Variants in ENPP1 observed in about 807,000 individuals in gnomAD.
ENPP1 encodes ectonucleotide pyrophosphatase/phosphodiesterase 1.
In ENPP1, 73 loss-of-function variants were observed where a neutral mutation model predicts 122.8. The observed-to-expected ratio is 0.59, with a 90% confidence interval of 0.49 to 0.72. The LOEUF is 0.72. ENPP1 is among the 30% of genes least tolerant of loss of function. ENPP1 has a pLI of 0.00. For missense variants in ENPP1, 978 were observed against 1,128.1 expected, an observed-to-expected ratio of 0.87 and a Z score of 1.91; for synonymous variants, 367 against 391.6, an observed-to-expected ratio of 0.94 and a Z score of 0.74.
chr6:131,843,921 A>G (rs1219071954), intron 1 of ENPP1, among the ~76,000 whole-genome samples: 1 of 151,800 alleles, frequency 6.6e-6, no homozygotes, highest in Non-Finnish European at 1.5e-5. Context: ...GTTCCTCATC[A>G]GCTGTTTCTA....
At chr6:131,883,426 G>A (rs373309781) in intron 21 of ENPP1, among the ~76,000 whole-genome samples, 14 of 152,292 alleles carry the variant, frequency 9.2e-5, no homozygotes, top group Admixed American at 3.9e-4. Flanking sequence ...GGGCAATAAC[G>A]TTTGAATATG....
chr6:131,883,293 TC>T (rs1174674929), intron 21 of ENPP1, among the ~76,000 whole-genome samples: 1 of 152,174 alleles, frequency 6.6e-6, no homozygotes, highest in African/African-American at 2.4e-5. Context: ...GAGACAGACA[TC>T]CTGTGATGTT....
intron 1 of ENPP1, 23 bp from the exon 2 acceptor site, chr6:131,847,753 A>T (rs762320001): frequency 2.0e-6 from 3 of 1,507,862 alleles, no homozygotes; most frequent in Admixed American, 1.7e-5. Context: ...GAAACCATGT[A>T]ATTTTCTCTT....
In ENPP1 at chr6:131,810,717, A is replaced by G. The variant is rs186961220; in HGVS notation, c.240+2442A>G. 2.3e-3 allele frequency among the ~76,000 whole-genome samples: 347 copies of G among 152,184 alleles called. 1 individual carries two copies. Among genetic ancestry groups the G allele is most frequent in the Middle Eastern group, 0.01 (3 of 294 alleles). On this transcript the variant is annotated intron_variant, in intron 1 of 24. Coordinates refer to ENST00000647893, the MANE Select transcript of ENPP1 (RefSeq NM_006208.3). Reference sequence around the variant, plus strand: ...ACTGTTTTAATTTAGCAGGATAAATAGAAGAGTTGCGTTGCCTTGCCTTTC... The same window carrying G: ...ACTGTTTTAATTTAGCAGGATAAATGGAAGAGTTGCGTTGCCTTGCCTTTC...
At chr6:131,833,777 A>G (rs1781640930) in intron 1 of ENPP1, among the ~76,000 whole-genome samples, 1 of 152,244 alleles carries the variant, frequency 6.6e-6, no homozygotes, top group African/African-American at 2.4e-5. Flanking sequence ...AAGACCACAA[A>G]AACAGCATTT....
Position 131,875,859 on chromosome 6 carries a change from G to C in ENPP1, c.1719G>C (p.Met573Ile), listed in dbSNP as rs1175493211. 6.2e-7 allele frequency: 1 copy of C among 1,610,220 alleles called. No homozygotes were observed. The highest frequency in any genetic ancestry group is 8.5e-7 in the Non-Finnish European group (1 of 1,176,532). ...TFENIEVYNL[M>I]CDLLNLTPAP... ...AAAACATTGAAGTCTATAACTTAAT[G>C]TGTGGTAAGTGTGAACAGGTGCCTT... The change falls in exon 17 of 25, where the codon ATG (methionine) becomes ATC (isoleucine). Residue 573 changes from methionine to isoleucine, a missense_variant. This residue lies in a region of ENPP1 where 644 missense variants were observed against 781.5 expected (regional missense o/e 0.82). Coordinates refer to ENST00000647893, the MANE Select transcript of ENPP1 (RefSeq NM_006208.3).
chr6:131,817,603 G>A (rs779914427), intron 1 of ENPP1, among the ~76,000 whole-genome samples: 2 of 152,102 alleles, frequency 1.3e-5, no homozygotes, highest in Non-Finnish European at 2.9e-5. Context: ...ATTTTGGGAT[G>A]TGTGGTGGCT....
intron 1 of ENPP1, among the ~76,000 whole-genome samples, chr6:131,845,299 G>A (rs1781794281): frequency 6.6e-6 from 1 of 151,470 alleles, no homozygotes; most frequent in African/African-American, 2.4e-5. Flanking sequence ...CCAGCGTGCT[G>A]GGATTATAGG....
At chr6:131,841,893 A>G (rs1055637340) in intron 1 of ENPP1, among the ~76,000 whole-genome samples, 7 of 152,120 alleles carry the variant, frequency 4.6e-5, no homozygotes, top group African/African-American at 1.2e-4. Flanking sequence ...GCCTTCCACA[A>G]TGATCCCAAG....
intron 12 of ENPP1, 61 bp downstream of exon 12, chr6:131,868,187 G>A (rs1782114094): frequency 7.9e-7 from 1 of 1,269,046 alleles, no homozygotes; most frequent in Non-Finnish European, 1.2e-6. Context: ...TTTACTTGAT[G>A]GTTTCCCAAT....
intron 1 of ENPP1, among the ~76,000 whole-genome samples, chr6:131,830,381 G>C (rs1167283218): frequency 6.6e-6 from 1 of 152,150 alleles, no homozygotes; most frequent in African/African-American, 2.4e-5. Context: ...GAGACTTTGG[G>C]CAAAGCGGCT....
intron 9 of ENPP1, 125 bp from the exon 10 acceptor site, chr6:131,864,381 T>C: frequency 1.5e-6 from 1 of 682,602 alleles, no homozygotes; most frequent in Admixed American, 2.6e-5. Flanking sequence ...AAACCCTTGA[T>C]TTCAAACACA....
rs1782114461 is a variant in ENPP1 at position 131,868,223 on chromosome 6, T to C, written c.1273+97T>C. 1.6e-5 allele frequency: 14 copies of C among 882,550 alleles called. No homozygotes were observed. The South Asian group carries it at 2.0e-4, about 12-fold the overall frequency. The allele number at this position is 882,550 out of a possible 1,614,324, so 54.7% of individuals were successfully genotyped here. A position where few individuals can be genotyped will look rare whatever the true frequency, so the allele number is the denominator to read the frequency against. ...TTTTTCTGAATGTTGTAGTTAATTC[T>C]TTTTTAAAAATGTAGTTTCTTATGG... On this transcript the variant is annotated intron_variant, in intron 12 of 24. Transcript: ENST00000647893.
At position 131,890,649 on chromosome 6, in the gene ENPP1, A is replaced by C; in HGVS notation, c.*138A>C. 2 of 753,578 alleles carry C rather than the reference A, an allele frequency of 2.7e-6. No homozygotes were observed. The highest frequency in any genetic ancestry group is 4.6e-6 in the Non-Finnish European group (2 of 434,984). 46.7% of individuals were successfully genotyped at this position (753,578 alleles called of 1,614,324 possible). A position where few individuals can be genotyped will look rare whatever the true frequency, so the allele number is the denominator to read the frequency against. On this transcript the variant is annotated 3_prime_UTR_variant, in exon 25 of 25. Transcript: ENST00000647893. Reference sequence around the variant, plus strand: ...GAGCCCTCGGTGATGCGGACATCTCAGGGAAACTTGCGTACTCAGCACAGC... The same window carrying C: ...GAGCCCTCGGTGATGCGGACATCTCCGGGAAACTTGCGTACTCAGCACAGC...
chr6:131,820,660 C>G (rs1385455187), intron 1 of ENPP1: 2 of 152,192 alleles, frequency 1.3e-5, no homozygotes, highest in Non-Finnish European at 2.9e-5. Flanking sequence ...TTCTACATCT[C>G]CTACCTCATT....
chr6:131,844,863 A>G (rs1044280630), intron 1 of ENPP1, among the ~76,000 whole-genome samples: 5 of 152,168 alleles, frequency 3.3e-5, no homozygotes, highest in Non-Finnish European at 7.3e-5. Flanking sequence ...TGCAAAGCTT[A>G]TGTGAAAACA....
intron 1 of ENPP1, among the ~76,000 whole-genome samples, chr6:131,846,930 A>T (rs1372404321): frequency 1.3e-5 from 2 of 152,188 alleles, no homozygotes; most frequent in East Asian, 3.9e-4. Flanking sequence ...AGACCAGAAG[A>T]GTGGAGAATG....
At chr6:131,845,789 G>A (rs908105801) in intron 1 of ENPP1, among the ~76,000 whole-genome samples, 3 of 152,070 alleles carry the variant, frequency 2.0e-5, no homozygotes. Context: ...AGTTGTGTCA[G>A]TTTACACCAC....
chr6:131,830,846 C>T (rs1031519354), intron 1 of ENPP1, among the ~76,000 whole-genome samples: 1 of 151,882 alleles, frequency 6.6e-6, no homozygotes, highest in African/African-American at 2.4e-5. Context: ...CTGGGTGGCT[C>T]ACGCCTGTAA....
Sources: gnomAD v4.1 joint callset for allele counts (sites outside exome capture counted in the v4.1 genomes callset) on GRCh38, gnomAD v4.1.1 for gene constraint, gnomAD v4.1.1 regional missense constraint, MANE v1.5 for transcripts, NCBI Gene and HGNC (gene_info 2026-07-23, HGNC 2026-07-21) for gene names.